SGCD: variants seen among roughly 807,000 people sequenced by gnomAD.
SGCD encodes delta-sarcoglycan.
A neutral mutation model predicts 36.6 loss-of-function variants in SGCD; 18 were observed. The observed-to-expected ratio is 0.49, with a 90% confidence interval of 0.34 to 0.73. SGCD has a LOEUF of 0.73. SGCD is among the 30% of genes least tolerant of loss of function. SGCD has a pLI of 0.01. For missense variants in SGCD, 387 were observed against 346.7 expected, an observed-to-expected ratio of 1.12 and a Z score of -0.92; for synonymous variants, 133 against 130.6, an observed-to-expected ratio of 1.02 and a Z score of -0.12.
intron 4 of SGCD, among the ~76,000 whole-genome samples, chr5:156,542,177 G>A (rs927302386): frequency 2.0e-5 from 3 of 152,034 alleles, no homozygotes; most frequent in Non-Finnish European, 2.9e-5. Flanking sequence ...AGTGGAGAGG[G>A]GTTTAGAAAG....
At chr5:156,111,700 T>C (rs1385794541) in intron 1 of SGCD, among the ~76,000 whole-genome samples, 3 of 152,052 alleles carry the variant, frequency 2.0e-5, no homozygotes, top group African/African-American at 7.2e-5. Context: ...TCCTTTACCA[T>C]GTATGTGCAC....
chr5:156,092,346 A>C (rs1397670367), intron 1 of SGCD, among the ~76,000 whole-genome samples: 2 of 152,190 alleles, frequency 1.3e-5, no homozygotes, highest in Non-Finnish European at 2.9e-5. Context: ...CCTTCTGCAG[A>C]GACACATTAT....
chr5:156,411,834 A>G (rs1266224377), intron 3 of SGCD, among the ~76,000 whole-genome samples: 3 of 152,232 alleles, frequency 2.0e-5, no homozygotes, highest in African/African-American at 4.8e-5. Context: ...TTGTAAAATC[A>G]TGTTTAAAAG....
At chr5:156,423,938 G>T (rs1387297425) in intron 3 of SGCD, among the ~76,000 whole-genome samples, 2 of 151,920 alleles carry the variant, frequency 1.3e-5, no homozygotes, top group Non-Finnish European at 2.9e-5. Flanking sequence ...CATCATCATG[G>T]TCATATTATA....
At chr5:156,430,014 T>C (rs918884044) in intron 3 of SGCD, among the ~76,000 whole-genome samples, 2 of 152,180 alleles carry the variant, frequency 1.3e-5, no homozygotes, top group Admixed American at 1.3e-4. Flanking sequence ...TTGGTGATGA[T>C]CTTTTGTGAT....
intron 4 of SGCD, among the ~76,000 whole-genome samples, chr5:156,542,311 A>T (rs954408956): frequency 3.3e-5 from 5 of 152,162 alleles, no homozygotes; most frequent in African/African-American, 1.2e-4. Context: ...ATAAAACCCC[A>T]CCACTCTTTT....
At chr5:156,348,094 A>G (rs1314440658) in intron 3 of SGCD, among the ~76,000 whole-genome samples, 1 of 152,212 alleles carries the variant, frequency 6.6e-6, no homozygotes, top group African/African-American at 2.4e-5. Flanking sequence ...TTAGAATTAT[A>G]ATTCTCTTGC....
At chr5:155,844,718 T>G in the SGCD span, among the ~76,000 whole-genome samples, 1 of 152,160 alleles carries the variant, frequency 6.6e-6, no homozygotes, top group Non-Finnish European at 1.5e-5. Flanking sequence ...ATACCGTATA[T>G]GGAGATGAAA....
chr5:156,342,357 C>T (rs988442689), intron 2 of SGCD, among the ~76,000 whole-genome samples: 2 of 152,180 alleles, frequency 1.3e-5, no homozygotes, highest in Non-Finnish European at 2.9e-5. Flanking sequence ...TGTTCAAGAC[C>T]TTACCCTGCC....
chr5:155,981,532 A>C (rs979768374), intron 1 of SGCD, among the ~76,000 whole-genome samples: 1 of 152,184 alleles, frequency 6.6e-6, no homozygotes, highest in African/African-American at 2.4e-5. Context: ...ACTGATGTTT[A>C]GAGGAAACGT....
chr5:156,270,020 G>C (rs1766132319), intron 3 of SGCD, among the ~76,000 whole-genome samples: 1 of 152,188 alleles, frequency 6.6e-6, no homozygotes, highest in South Asian at 2.1e-4. Context: ...TTACATTTAA[G>C]TCTTTAATCC....
At chr5:155,779,181 G>T in the SGCD span, among the ~76,000 whole-genome samples, 2 of 152,048 alleles carry the variant, frequency 1.3e-5, no homozygotes, top group Non-Finnish European at 2.9e-5. Context: ...ATTTATCCAC[G>T]TGCAGACTCC....
At chr5:156,167,500 T>A (rs974646197) in intron 3 of SGCD, among the ~76,000 whole-genome samples, 1 of 152,154 alleles carries the variant, frequency 6.6e-6, no homozygotes, top group African/African-American at 2.4e-5. Context: ...AATCTCATGT[T>A]GAAATGTGAT....
chr5:156,365,857 TG>T (rs1770071130), intron 3 of SGCD, among the ~76,000 whole-genome samples: 2 of 151,688 alleles, frequency 1.3e-5, no homozygotes, highest in African/African-American at 4.9e-5. Context: ...TATATACACG[TG>T]GGTATGTGTA....
At chr5:155,828,729 T>C in the SGCD span, among the ~76,000 whole-genome samples, 1 of 151,944 alleles carries the variant, frequency 6.6e-6, no homozygotes, top group South Asian at 2.1e-4. Context: ...CTCTGTTGCC[T>C]AGGCTGGAGT....
At chr5:156,204,403 G>A (rs1270897479) in intron 3 of SGCD, among the ~76,000 whole-genome samples, 1 of 151,824 alleles carries the variant, frequency 6.6e-6, no homozygotes, top group Non-Finnish European at 1.5e-5. Flanking sequence ...TATGGTGGGT[G>A]ATACAAATAT....
the SGCD span, among the ~76,000 whole-genome samples, chr5:155,746,988 A>G: frequency 6.6e-6 from 1 of 152,092 alleles, no homozygotes; most frequent in African/African-American, 2.4e-5. Context: ...CATATCCAGC[A>G]TGAATGTTTT....
chr5:156,274,863 C>T (rs989389328), intron 3 of SGCD, among the ~76,000 whole-genome samples: 6 of 152,106 alleles, frequency 3.9e-5, no homozygotes, highest in African/African-American at 1.2e-4. Flanking sequence ...CCTGGGGTCC[C>T]TCAGTCTGCA....
Position 156,020,166 on chromosome 5 carries a change from T to C in SGCD, c.-281-97712T>C, listed in dbSNP as rs1188367991. Among the ~76,000 whole-genome samples the C allele has an allele frequency of 2.0e-5, 3 of 152,274 alleles. No individual in the cohort carries two copies. In the East Asian group the frequency reaches 5.8e-4, roughly 29 times the overall value. The stretch of plus-strand genomic sequence containing the variant: ...ATTTTCATATACACAACAGAGCTTA[T>C]GTTGCACATGTTATTTTATTCTTCA... On this transcript the variant is annotated intron_variant, in intron 1 of 9. Transcript: ENST00000517913.
Sources: gnomAD v4.1 joint callset for allele counts (sites outside exome capture counted in the v4.1 genomes callset) on GRCh38, gnomAD v4.1.1 for gene constraint, MANE v1.5 for transcripts, NCBI Gene and HGNC (gene_info 2026-07-23, HGNC 2026-07-21) for gene names.